WDR64: variants seen among roughly 807,000 people sequenced by gnomAD.
WDR64 encodes the protein WD repeat domain 64, also known as WD repeat-containing protein 64.
A neutral mutation model predicts 139.3 loss-of-function variants in WDR64; 112 were observed. The observed-to-expected ratio is 0.80, with a 90% CI of 0.69 to 0.94. The LOEUF (loss-of-function observed/expected upper bound fraction) is 0.94. Among genes scored for constraint, WDR64 ranks in the 40% least tolerant of loss-of-function variants. The probability of loss-of-function intolerance (pLI) is 0.00; values close to 1 mark genes in which losing one functional copy is unlikely to be tolerated. For missense variants in WDR64, 1,206 were observed against 1,293.1 expected, an observed-to-expected ratio of 0.93 and a Z score of 1.03; for synonymous variants, 444 against 437.7, an observed-to-expected ratio of 1.01 and a Z score of -0.18.
chr1:241,722,816 T>C (rs1196708840), intron 9 of WDR64, among the ~76,000 whole-genome samples: 1 of 152,154 alleles, frequency 6.6e-6, no homozygotes, highest in Admixed American at 6.5e-5. Flanking sequence ...TATATGCCTA[T>C]GAATACATGC....
Position 241,747,380 on chromosome 1 carries a change from G to A in WDR64, c.1595-2167G>A, listed in dbSNP as rs574355426. Among the ~76,000 whole-genome samples the A allele has an allele frequency of 9.2e-5, 14 of 152,296 alleles. No individual in the cohort carries two copies. In the East Asian group the frequency reaches 1.5e-3, roughly 17 times the overall value. On this transcript the variant is annotated intron_variant, in intron 13 of 27. Transcript: ENST00000437684. The stretch of plus-strand genomic sequence containing the variant: ...AATTTGCTTGTTTTAGGATTATACC[G>A]TAGTCACATGGGCTGTAAGCAATGG...
intron 6 of WDR64, 99 bp downstream of exon 6, chr1:241,679,694 A>T (rs1254575542): frequency 2.0e-6 from 2 of 976,444 alleles, no homozygotes; most frequent in African/African-American, 3.3e-5. Context: ...CAGTTTCTTC[A>T]TCTATAAAAT....
At chr1:241,686,360 A>G (rs536439483) in intron 7 of WDR64, among the ~76,000 whole-genome samples, 1 of 152,336 alleles carries the variant, frequency 6.6e-6, no homozygotes, top group South Asian at 2.1e-4. Context: ...AGTAGCCAGG[A>G]TCCAGAGTTC....
chr1:241,663,272 C>T (rs112371372), intron 2 of WDR64, among the ~76,000 whole-genome samples: 4 of 152,334 alleles, frequency 2.6e-5, no homozygotes, highest in East Asian at 3.9e-4. Flanking sequence ...CTGTTTCACA[C>T]GGAAATGTGA....
intron 1 of WDR64, 59 bp downstream of exon 1, chr1:241,652,688 T>C: frequency 6.5e-7 from 1 of 1,528,216 alleles, no homozygotes; most frequent in Non-Finnish European, 8.8e-7. Context: ...CTGGAAAATG[T>C]TTTAAGCCAT....
At chr1:241,681,900 A>G (rs1262605557) in intron 6 of WDR64, among the ~76,000 whole-genome samples, 1 of 151,764 alleles carries the variant, frequency 6.6e-6, no homozygotes. Context: ...TTTTTTCCAT[A>G]TTTTTGTTGG....
At chr1:241,669,343 A>G (rs1666137464) in intron 2 of WDR64, among the ~76,000 whole-genome samples, 1 of 152,252 alleles carries the variant, frequency 6.6e-6, no homozygotes, top group African/African-American at 2.4e-5. Flanking sequence ...AGATTGATAC[A>G]TAATTGTTAA....
At chr1:241,688,796 A>G (rs1667104039) in intron 8 of WDR64, among the ~76,000 whole-genome samples, 1 of 152,146 alleles carries the variant, frequency 6.6e-6, no homozygotes, top group Non-Finnish European at 1.5e-5. Context: ...AGAGTTAAAA[A>G]TTCCAGGGGT....
intron 14 of WDR64, among the ~76,000 whole-genome samples, chr1:241,752,671 G>A (rs1157805218): frequency 6.6e-6 from 1 of 152,086 alleles, no homozygotes; most frequent in Non-Finnish European, 1.5e-5. Context: ...GCAACATAGT[G>A]AGACACCATC....
chr1:241,766,135 A>G (rs1429358160), intron 15 of WDR64, 83 bp from the exon 16 acceptor site: 14 of 1,324,206 alleles, frequency 1.1e-5, no homozygotes, highest in Non-Finnish European at 1.4e-5. Context: ...TAAGTTGATG[A>G]CAATTACAAA....
intron 23 of WDR64, among the ~76,000 whole-genome samples, chr1:241,785,288 G>A (rs1658997113): frequency 1.3e-5 from 2 of 152,126 alleles, no homozygotes; most frequent in African/African-American, 4.8e-5. Context: ...TCTGAAGTCT[G>A]GGATGTGCAA....
At chr1:241,701,390 G>A (rs1028711094) in intron 8 of WDR64, among the ~76,000 whole-genome samples, 9 of 152,198 alleles carry the variant, frequency 5.9e-5, no homozygotes, top group African/African-American at 9.6e-5. Flanking sequence ...TGTAAGTTAC[G>A]TAATGGTATT....
At chr1:241,670,547 C>G (rs1314975362) in intron 2 of WDR64, among the ~76,000 whole-genome samples, 1 of 152,128 alleles carries the variant, frequency 6.6e-6, no homozygotes, top group East Asian at 1.9e-4. Context: ...AGTAACCGCT[C>G]AAAAATCATG....
intron 25 of WDR64, among the ~76,000 whole-genome samples, chr1:241,794,564 A>G (rs1659306023): frequency 8.1e-6 from 1 of 124,074 alleles, no homozygotes; most frequent in Non-Finnish European, 1.6e-5. Context: ...GCTGGAGTGC[A>G]GTGCTGTGAT....
intron 8 of WDR64, among the ~76,000 whole-genome samples, chr1:241,704,191 G>A (rs1400952250): frequency 6.6e-6 from 1 of 152,176 alleles, no homozygotes; most frequent in Non-Finnish European, 1.5e-5. Flanking sequence ...CTGGCCAAGA[G>A]GACAGTCTCC....
intron 10 of WDR64, among the ~76,000 whole-genome samples, chr1:241,736,067 G>C (rs1669312935): frequency 6.6e-6 from 1 of 151,990 alleles, no homozygotes; most frequent in Non-Finnish European, 1.5e-5. Flanking sequence ...TCCACATAAG[G>C]ACAGAGCACA....
Position 241,795,220 on chromosome 1 carries a change from C to T in WDR64, c.3011C>T (p.Pro1004Leu), listed in dbSNP as rs1230165997. Reference protein sequence around the residue: ...SLSSPKIRRYPLEGFVTENRE... With the variant: ...SLSSPKIRRYLLEGFVTENRE... ...TTTGTTTTGCAGATTCGAAGATATCCCTTGGAAGGTTTCGTGACTGAAAAC... is the reference window on the plus strand; with the variant it reads ...TTTGTTTTGCAGATTCGAAGATATCTCTTGGAAGGTTTCGTGACTGAAAAC... The change falls in exon 26 of 28, where the codon CCC becomes CTC. Residue 1004 changes from proline (P) to leucine (L), a missense_variant. Physicochemically the swap from Pro to Leu is moderately conservative, Grantham distance 98. Transcript: ENST00000437684. 1.2e-6 allele frequency: 2 copies of T among 1,613,602 alleles called. No individual in the cohort carries two copies. Among genetic ancestry groups the T allele is most frequent in the East Asian group, 2.2e-5 (1 of 44,840 alleles).
chr1:241,784,340 G>GGTGAAT (rs1330475296), intron 23 of WDR64, among the ~76,000 whole-genome samples: 3 of 152,154 alleles, frequency 2.0e-5, no homozygotes, highest in African/African-American at 7.2e-5. Flanking sequence ...TGAAGTCCAG[G>GGTGAAT]GTGAATGTAG....
intron 2 of WDR64, among the ~76,000 whole-genome samples, chr1:241,670,579 T>C (rs1271428461): frequency 6.6e-6 from 1 of 152,174 alleles, no homozygotes; most frequent in East Asian, 1.9e-4. Context: ...TACAGTTTGT[T>C]GAATATATTA....
Sources: gnomAD v4.1 joint callset for allele counts (sites outside exome capture counted in the v4.1 genomes callset) on GRCh38, gnomAD v4.1.1 for gene constraint, MANE v1.5 for transcripts, NCBI Gene and HGNC (gene_info 2026-07-23, HGNC 2026-07-21) for gene names.